Variants in TLN2 observed in about 807,000 individuals in gnomAD.
TLN2 encodes talin-2.
A neutral mutation model predicts 294.7 loss-of-function variants in TLN2; 118 were observed. That is an observed-to-expected ratio of 0.40 (90% CI 0.34 to 0.47). The LOEUF (loss-of-function observed/expected upper bound fraction) is 0.47. TLN2 is among the 20% of genes least tolerant of loss of function. The pLI is 0.84. For missense variants in TLN2, 3,083 were observed against 3,282.2 expected (o/e 0.94, Z 1.48); for synonymous variants, 1,431 against 1,304.5 (o/e 1.10, Z -2.09).
intron 1 of TLN2, among the ~76,000 whole-genome samples, chr15:62,533,253 CAAAAAAAAAAAAA>C (rs10650730): frequency 1.9e-5 from 1 of 51,424 alleles, no homozygotes. Context: ...GACTCTGTCT[CAAAAAAAAAAAAA>C]AAAAAAAAAA....
intron 1 of TLN2, among the ~76,000 whole-genome samples, chr15:62,393,158 A>G (rs539655590): frequency 1.3e-4 from 20 of 152,338 alleles, no homozygotes; most frequent in African/African-American, 4.8e-4. Context: ...TCACAGAAAC[A>G]GGTCTCTTCA....
At position 62,653,349 on chromosome 15, in the gene TLN2, A is replaced by G. The variant is rs1165118147; in HGVS notation, c.517+35A>G. Reference sequence around the variant, plus strand: ...TGCAGAGGAAGCATGATACAGACACACAGGCTTTGCTAAGCCTCACTTCCC... The same window carrying G: ...TGCAGAGGAAGCATGATACAGACACGCAGGCTTTGCTAAGCCTCACTTCCC... On this transcript the variant is annotated intron_variant, in intron 7 of 58. Coordinates refer to ENST00000636159, the MANE Select transcript of TLN2 (RefSeq NM_015059.3). 5 of 1,585,134 alleles carry G rather than the reference A, an allele frequency of 3.2e-6. No individual in the cohort carries two copies. In the African/African-American group the frequency reaches 6.8e-5, roughly 22 times the overall value.
chr15:62,422,450 G>A (rs1220400454), intron 1 of TLN2, among the ~76,000 whole-genome samples: 1 of 152,118 alleles, frequency 6.6e-6, no homozygotes, highest in African/African-American at 2.4e-5. Context: ...AAGAATTAAA[G>A]CAGTTAGTTG....
In TLN2 at chr15:62,658,136, T is replaced by G. The variant is rs1323321597; in HGVS notation, c.788+238T>G. The stretch of plus-strand genomic sequence containing the variant: ...TGATCTGTGTCCCCCTCCACCCCCT[T>G]TTTTTCCTTCTACTTCGTCTTAGTG... On this transcript the variant is annotated intron_variant, in intron 9 of 58. Transcript: ENST00000636159. 3.1e-5 allele frequency: 11 copies of G among 357,594 alleles called. No individual in the cohort carries two copies. The East Asian group carries it at 5.2e-4, about 17-fold the overall frequency. 22.2% of individuals were successfully genotyped at this position (357,594 alleles called of 1,614,324 possible).
chr15:62,597,250 C>T (rs1039050328), intron 2 of TLN2, among the ~76,000 whole-genome samples: 1 of 152,196 alleles, frequency 6.6e-6, no homozygotes. Context: ...GTTCTTCAAT[C>T]TCACTCAGTA....
At chr15:62,429,361 C>G (rs191275279) in intron 1 of TLN2, among the ~76,000 whole-genome samples, 1 of 152,034 alleles carries the variant, frequency 6.6e-6, no homozygotes, top group Non-Finnish European at 1.5e-5. Context: ...TTAGGTGCTT[C>G]GAAAATCGAA....
chr15:62,839,067 G>T, intron 58 of TLN2, 86 bp downstream of exon 58: 1 of 1,519,792 alleles, frequency 6.6e-7, no homozygotes. Flanking sequence ...ACTTCAAGAT[G>T]AAAGTTTATT....
chr15:62,722,518 G>C, intron 26 of TLN2, 31 bp downstream of exon 26: 2 of 1,587,400 alleles, frequency 1.3e-6, no homozygotes, highest in Middle Eastern at 4.6e-4. Flanking sequence ...GGGTTAACTT[G>C]TCAGGAAGGG....
At position 62,699,022 on chromosome 15, in the gene TLN2, C is replaced by T. The variant is rs565644672; in HGVS notation, c.1587+155C>T. Among the ~76,000 whole-genome samples the T allele has an allele frequency of 5.9e-5, 9 of 152,280 alleles. No individual in the cohort carries two copies. In the South Asian group the frequency reaches 1.7e-3, roughly 28 times the overall value. ...ATATTGAGTCTTTGCCTCTCAGTTG[C>T]ACCCATAGGAGGAGAGAATCATAGG... is the stretch of plus-strand genomic sequence containing the variant. On this transcript the variant is annotated intron_variant, in intron 16 of 58. Transcript: ENST00000636159.
At chr15:62,396,613 A>G (rs376830305) in intron 1 of TLN2, among the ~76,000 whole-genome samples, 6 of 152,222 alleles carry the variant, frequency 3.9e-5, no homozygotes, top group African/African-American at 1.4e-4. Context: ...GTAAGAGCTC[A>G]GGAAAGCTCT....
chr15:62,673,792 T>C, intron 9 of TLN2, 35 bp from the exon 10 acceptor site: 1 of 1,563,110 alleles, frequency 6.4e-7, no homozygotes, highest in Non-Finnish European at 8.8e-7. Flanking sequence ...TGGAACATGA[T>C]AAATGCCTTT....
At chr15:62,813,730 G>A (rs2066871206) in intron 52 of TLN2, among the ~76,000 whole-genome samples, 1 of 151,820 alleles carries the variant, frequency 6.6e-6, no homozygotes, top group African/African-American at 2.4e-5. Flanking sequence ...TAGGCATACT[G>A]TACATTTGAT....
At chr15:62,637,288 G>A (rs1206542861) in intron 3 of TLN2, 1 of 152,108 alleles carries the variant, frequency 6.6e-6, no homozygotes, top group Non-Finnish European at 1.5e-5. Flanking sequence ...ATTTGAATAA[G>A]TTAATGTATA....
intron 6 of TLN2, among the ~76,000 whole-genome samples, chr15:62,652,906 C>T (rs1366978875): frequency 6.6e-6 from 1 of 152,032 alleles, no homozygotes; most frequent in African/African-American, 2.4e-5. Context: ...AAATCAGAGT[C>T]TGATTTTTAA....
intron 1 of TLN2, among the ~76,000 whole-genome samples, chr15:62,401,969 C>T (rs2140238225): frequency 6.6e-6 from 1 of 152,226 alleles, no homozygotes; most frequent in Non-Finnish European, 1.5e-5. Context: ...ACTGAACACC[C>T]TGCAATGCAC....
At chr15:62,640,382 G>A (rs1461503857) in intron 3 of TLN2, 1 of 456,706 alleles carries the variant, frequency 2.2e-6, no homozygotes. Context: ...GAGAGAAGAG[G>A]GGGACGGTGG....
At chr15:62,753,101 A>G (rs2062027394) in intron 35 of TLN2, among the ~76,000 whole-genome samples, 1 of 152,038 alleles carries the variant, frequency 6.6e-6, no homozygotes, top group South Asian at 2.1e-4. Context: ...GCACAGATTC[A>G]TTTTTTCTTT....
rs569504555 is a variant in TLN2 at position 62,521,652 on chromosome 15, CAG to C, written c.-237-68027_-237-68026del. Reference sequence around the variant, plus strand: ...GTGAAGCCTCCAGTTAAGCAGCCTTCAGAGAGAGATGGTAAAGATCTCTTTTC... The same window carrying C: ...GTGAAGCCTCCAGTTAAGCAGCCTTCAGAGAGATGGTAAAGATCTCTTTTC... On this transcript the variant is annotated intron_variant, in intron 1 of 58. Coordinates refer to ENST00000636159, the MANE Select transcript of TLN2 (RefSeq NM_015059.3). Among the ~76,000 whole-genome samples the C allele has an allele frequency of 1.2e-4, 18 of 152,230 alleles. No individual in the cohort carries two copies. The South Asian group carries it at 1.9e-3, about 16-fold the overall frequency.
At chr15:62,687,321 A>T (rs529977434) in intron 12 of TLN2, among the ~76,000 whole-genome samples, 17 of 152,258 alleles carry the variant, frequency 1.1e-4, no homozygotes, top group Non-Finnish European at 2.4e-4. Flanking sequence ...ACCTTGTTCA[A>T]GTTACCTTTC....
Sources: allele counts gnomAD v4.1 joint callset (sites outside exome capture counted in the v4.1 genomes callset), GRCh38; gene constraint gnomAD v4.1.1; transcripts MANE v1.5; gene names NCBI Gene and HGNC (gene_info 2026-07-23, HGNC 2026-07-21).